IMMP1L: variants seen among roughly 807,000 people sequenced by gnomAD.
IMMP1L encodes the protein inner mitochondrial membrane peptidase subunit 1.
A neutral mutation model predicts 21.8 loss-of-function variants in IMMP1L; 24 were observed. The ratio of observed to expected loss-of-function variants is 1.10; its 90% CI spans 0.80 to 1.55. IMMP1L has a LOEUF of 1.55. Ranked by LOEUF, IMMP1L falls within the 40% of genes most tolerant of loss-of-function variation. IMMP1L has a pLI of 0.00. For synonymous variants in IMMP1L, 46 were observed against 62.8 expected, an observed-to-expected ratio of 0.73 and a Z score of 1.26; for missense variants, 195 against 200.7, an observed-to-expected ratio of 0.97 and a Z score of 0.17.
chr11:31,494,935 C>T (rs570733160), intron 1 of IMMP1L, among the ~76,000 whole-genome samples: 16 of 152,280 alleles, frequency 1.1e-4, no homozygotes, highest in Non-Finnish European at 1.6e-4. Context: ...TGAGCCACCG[C>T]GACCAGCCCA....
Position 31,474,658 on chromosome 11 carries a change from C to T in IMMP1L, c.-29-11353G>A, listed in dbSNP as rs529237414. Among the ~76,000 whole-genome samples, 7 of 152,110 alleles carry T rather than the reference C, an allele frequency of 4.6e-5. No individual in the cohort carries two copies. In the South Asian group the frequency reaches 6.2e-4, roughly 14 times the overall value. On this transcript the variant is annotated intron_variant, in intron 1 of 5. Transcript: ENST00000532287. ...CATGATCTTACCACTGCACTCCAGC[C>T]TGGGCAATAAAGCAAGACCCTGTCT... is the stretch of plus-strand genomic sequence containing the variant.
chr11:31,488,818 CAT>C (rs1375520415), intron 1 of IMMP1L, among the ~76,000 whole-genome samples: 9 of 152,056 alleles, frequency 5.9e-5, no homozygotes, highest in African/African-American at 2.2e-4. Flanking sequence ...AAACCTGCCT[CAT>C]AGTCAATTAT....
intron 1 of IMMP1L, among the ~76,000 whole-genome samples, chr11:31,479,163 T>A (rs955986119): frequency 2.7e-4 from 41 of 152,090 alleles, no homozygotes; most frequent in African/African-American, 9.4e-4. Context: ...AGATTTGCGA[T>A]GGAATTCTTG....
chr11:31,487,561 C>T (rs1301666577), intron 1 of IMMP1L, among the ~76,000 whole-genome samples: 1 of 151,968 alleles, frequency 6.6e-6, no homozygotes, highest in African/African-American at 2.4e-5. Flanking sequence ...AGATGAAATC[C>T]ACACTGTGAG....
chr11:31,480,930 A>C (rs1382644343), intron 1 of IMMP1L, among the ~76,000 whole-genome samples: 1 of 152,166 alleles, frequency 6.6e-6, no homozygotes, highest in Non-Finnish European at 1.5e-5. Context: ...GCATATGCAC[A>C]AAAGAGCTTT....
At chr11:31,433,428 A>G (rs3741028) in intron 5 of IMMP1L, 32 bp downstream of exon 5, 374,928 of 1,289,094 alleles carry the variant, frequency 0.29, 57,898 homozygotes, top group Non-Finnish European at 0.32. Flanking sequence ...AGCTCAGAAA[A>G]TAAACCTTAC....
intron 1 of IMMP1L, among the ~76,000 whole-genome samples, chr11:31,482,861 T>C (rs1438505278): frequency 6.6e-6 from 1 of 151,938 alleles, no homozygotes; most frequent in Non-Finnish European, 1.5e-5. Context: ...CCAAAAGAAA[T>C]GTGTAGATAC....
At chr11:31,474,551 T>C (rs1359430089) in intron 1 of IMMP1L, among the ~76,000 whole-genome samples, 2 of 152,136 alleles carry the variant, frequency 1.3e-5, no homozygotes, top group African/African-American at 2.4e-5. Context: ...ATTAAAAAAT[T>C]AGCTGGGCAT....
rs1198570161 is a variant in IMMP1L at position 31,432,553 on chromosome 11, C to A, written c.448G>T (p.Asp150Tyr). ...GGGCTGGCACGTAAAAATCCAAAATCACTCAGAGGCCAAATCTGTAAAATC... is the reference window on the plus strand; with the variant it reads ...GGGCTGGCACGTAAAAATCCAAAATAACTCAGAGGCCAAATCTGTAAAATC... Reference protein sequence around the residue: ...RIFFKIWPLSDFGFLRASPNG... With the variant: ...RIFFKIWPLSYFGFLRASPNG... Residue 150 changes from aspartate to tyrosine, a missense_variant, in exon 6 of 6, where the codon GAT (aspartate) becomes TAT (tyrosine). By Grantham distance (160) the Asp-to-Tyr change is radical. Coordinates refer to ENST00000532287, the MANE Select transcript of IMMP1L (RefSeq NM_001304274.2). The A allele has an allele frequency of 1.2e-6, 2 of 1,611,698 alleles. No homozygotes were observed. Among genetic ancestry groups the A allele is most frequent in the Non-Finnish European group, 1.7e-6 (2 of 1,178,082 alleles).
At chr11:31,448,735 GATT>G (rs1294157606) in intron 4 of IMMP1L, among the ~76,000 whole-genome samples, 1 of 152,034 alleles carries the variant, frequency 6.6e-6, no homozygotes, top group Non-Finnish European at 1.5e-5. Flanking sequence ...TACAAAATAA[GATT>G]ATTATAAACT....
chr11:31,489,704 T>C (rs985752292), intron 1 of IMMP1L, among the ~76,000 whole-genome samples: 1 of 152,208 alleles, frequency 6.6e-6, no homozygotes, highest in African/African-American at 2.4e-5. Context: ...CATTTCTGTA[T>C]CAATTCAAAT....
At position 31,509,544 on chromosome 11, in the gene IMMP1L, C is replaced by A; in HGVS notation, c.-55G>T. ...CTCGGGCCCCAAAGAACCCTGGAGA[C>A]CCTCAACCAGGACACAGGTGGGCCT... On this transcript the variant is annotated 5_prime_UTR_variant, in exon 1 of 6. Coordinates refer to ENST00000532287, the MANE Select transcript of IMMP1L (RefSeq NM_001304274.2). The A allele has an allele frequency of 1.8e-6, 1 of 567,996 alleles. No homozygotes were observed. The allele number at this position is 567,996 out of a possible 1,614,324, so 35.2% of individuals were successfully genotyped here.
chr11:31,491,192 T>C (rs1007463168), intron 1 of IMMP1L, among the ~76,000 whole-genome samples: 4 of 151,992 alleles, frequency 2.6e-5, no homozygotes, highest in Non-Finnish European at 4.4e-5. Flanking sequence ...TACCTAAAAA[T>C]AGAAAAACAG....
At chr11:31,472,866 A>T (rs1269924552) in intron 1 of IMMP1L, among the ~76,000 whole-genome samples, 11 of 151,672 alleles carry the variant, frequency 7.3e-5, no homozygotes, top group African/African-American at 2.7e-4. Flanking sequence ...TTTTTTATTT[A>T]TTTATTTATT....
Position 31,460,693 on chromosome 11 carries a change from G to T in IMMP1L, c.127C>A (p.Pro43Thr), listed in dbSNP as rs1412616687. The T allele has an allele frequency of 7.5e-6, 12 of 1,608,524 alleles. No homozygotes were observed. Among genetic ancestry groups the T allele is most frequent in the Non-Finnish European group, 1.0e-5 (12 of 1,175,474 alleles). The change falls in exon 3 of 6, where the codon CCT becomes ACT. Residue 43 changes from proline to threonine, a missense_variant. Pro to Thr is a conservative substitution (Grantham distance 38, BLOSUM62 -1). Transcript: ENST00000532287. ...ACAATATCTGAATTTTGAATTGTAG[G>T]CTCCATTGATGGTCCAGAACACTGA... ...VVMCSGPSME[P>T]TIQNSDIVFA...
At chr11:31,434,328 TG>T (rs143958755) in intron 4 of IMMP1L, among the ~76,000 whole-genome samples, 7 of 152,290 alleles carry the variant, frequency 4.6e-5, no homozygotes, top group South Asian at 2.1e-4. Context: ...CAGAATACAT[TG>T]TTTTTTTTAA....
intron 1 of IMMP1L, among the ~76,000 whole-genome samples, chr11:31,503,852 GA>G (rs1205023244): frequency 6.6e-6 from 1 of 152,168 alleles, no homozygotes; most frequent in East Asian, 1.9e-4. Flanking sequence ...AATTCTGAGA[GA>G]AAGAAAGCCA....
chr11:31,507,336 C>A (rs892531860), intron 1 of IMMP1L, among the ~76,000 whole-genome samples: 3 of 151,948 alleles, frequency 2.0e-5, no homozygotes, highest in African/African-American at 7.3e-5. Context: ...AGATATATAT[C>A]CTAATTTCAT....
intron 1 of IMMP1L, chr11:31,476,972 T>C (rs551920355): frequency 2.6e-5 from 4 of 152,292 alleles, no homozygotes; most frequent in South Asian, 2.1e-4. Flanking sequence ...TAAGAATCAC[T>C]GATTTTTAAA....
Sources: allele counts gnomAD v4.1 joint callset (sites outside exome capture counted in the v4.1 genomes callset), GRCh38; gene constraint gnomAD v4.1.1; transcripts MANE v1.5; gene names NCBI Gene and HGNC (gene_info 2026-07-23, HGNC 2026-07-21).